GLG1: variants seen among roughly 807,000 people sequenced by gnomAD.
GLG1 encodes the protein golgi glycoprotein 1.
A neutral mutation model predicts 160.5 loss-of-function variants in GLG1; 38 were observed. That is an observed-to-expected ratio of 0.24 (90% CI 0.18 to 0.31). GLG1 has a LOEUF of 0.31. Ranked by LOEUF, GLG1 falls within the 10% of genes least tolerant of loss-of-function variation. The pLI is 1.00. For missense variants in GLG1, 1,373 were observed against 1,505.2 expected (o/e 0.91, Z 1.45); for synonymous variants, 644 against 543.4 (o/e 1.19, Z -2.57).
chr16:74,549,967 A>T (rs564945237), intron 1 of GLG1, among the ~76,000 whole-genome samples: 338 of 152,288 alleles, frequency 2.2e-3, no homozygotes, highest in African/African-American at 7.6e-3. Flanking sequence ...GAAAAAAAAA[A>T]GTTAGCCGGG....
intron 1 of GLG1, among the ~76,000 whole-genome samples, chr16:74,589,380 G>A (rs1013626779): frequency 6.6e-6 from 1 of 152,168 alleles, no homozygotes; most frequent in African/African-American, 2.4e-5. Context: ...AGAAAACAAT[G>A]CCTAAAGCAG....
intron 7 of GLG1, among the ~76,000 whole-genome samples, chr16:74,492,131 A>C (rs1213678361): frequency 2.0e-5 from 3 of 150,786 alleles, no homozygotes; most frequent in Non-Finnish European, 3.0e-5. Context: ...TCACGCCTGT[A>C]ATCCCAGCAC....
chr16:74,602,503 G>T (rs1024834061), intron 1 of GLG1, among the ~76,000 whole-genome samples: 3 of 152,226 alleles, frequency 2.0e-5, no homozygotes, highest in African/African-American at 7.2e-5. Context: ...AAAGGGCGGG[G>T]CTGGGCGCGG....
At chr16:74,472,609 T>C (rs1370577213) in intron 13 of GLG1, 198 bp from the exon 14 acceptor site, 7 of 1,463,744 alleles carry the variant, frequency 4.8e-6, no homozygotes, top group Non-Finnish European at 6.4e-6. Context: ...GAAAGGCAAA[T>C]TTTTAAAGAC....
chr16:74,571,300 G>A (rs562408088), intron 1 of GLG1, among the ~76,000 whole-genome samples: 1 of 152,276 alleles, frequency 6.6e-6, no homozygotes, highest in South Asian at 2.1e-4. Flanking sequence ...GTATACCAGA[G>A]AGATAAGGGA....
chr16:74,591,504 C>A (rs993773138), intron 1 of GLG1, among the ~76,000 whole-genome samples: 1 of 146,840 alleles, frequency 6.8e-6, no homozygotes, highest in African/African-American at 2.5e-5. Flanking sequence ...GGCGGGTGCC[C>A]GTAGTCCCAG....
At chr16:74,561,253 C>T (rs940619933) in intron 1 of GLG1, among the ~76,000 whole-genome samples, 5 of 152,176 alleles carry the variant, frequency 3.3e-5, no homozygotes, top group Admixed American at 6.5e-5. Context: ...AGGCCTGCAC[C>T]CTCACACCCT....
chr16:74,497,598 C>T lies in GLG1; in HGVS notation c.775-954G>A, dbSNP rs377127732. 6.6e-5 allele frequency among the ~76,000 whole-genome samples: 10 copies of T among 151,968 alleles called. No homozygotes were observed. The East Asian group carries it at 1.6e-3, about 24-fold the overall frequency. ...GACCACAGGCGCCCGCCACCACGCC[C>T]GGCTAATTTTTTGTGTTTTTAATAG... On this transcript the variant is annotated intron_variant, in intron 4 of 25. Coordinates refer to ENST00000422840, the MANE Select transcript of GLG1 (RefSeq NM_001145667.2).
chr16:74,476,036 G>C (rs2015380530), intron 12 of GLG1, among the ~76,000 whole-genome samples: 1 of 152,002 alleles, frequency 6.6e-6, no homozygotes, highest in Non-Finnish European at 1.5e-5. Context: ...CAAAAAATCA[G>C]GTGGGTGTGG....
chr16:74,593,072 G>C (rs997604219), intron 1 of GLG1, among the ~76,000 whole-genome samples: 1 of 152,066 alleles, frequency 6.6e-6, no homozygotes, highest in Non-Finnish European at 1.5e-5. Context: ...TTCTGCCATG[G>C]GATGATGCAG....
chr16:74,477,249 T>C (rs966070647), intron 12 of GLG1, 147 bp downstream of exon 12: 11 of 700,760 alleles, frequency 1.6e-5, no homozygotes, highest in Admixed American at 2.9e-5. Context: ...TTCCTGAGAA[T>C]TTCTTCCAGA....
chr16:74,515,987 T>C (rs2016965689), intron 2 of GLG1, among the ~76,000 whole-genome samples: 3 of 151,466 alleles, frequency 2.0e-5, no homozygotes, highest in Admixed American at 1.3e-4. Context: ...AAGGGATCAA[T>C]TCAACAAGAA....
rs536063773 is a variant in GLG1, at chr16:74,448,588, A to G, written c.*4579T>C. The G allele has an allele frequency of 6.6e-6, 1 of 152,292 alleles. No individual in the cohort carries two copies. The highest frequency in any genetic ancestry group is 6.5e-5 in the Admixed American group (1 of 15,300). 9.4% of individuals were successfully genotyped at this position (152,292 alleles called of 1,614,324 possible). On this transcript the variant is annotated 3_prime_UTR_variant, in exon 26 of 26. Transcript: ENST00000422840. ...AACATGATGAAATCCTGTCTCTACT[A>G]AAAATAAGAAAAAATTATCCAGGCA...
chr16:74,471,285 T>G lies in GLG1; in HGVS notation c.2117A>C (p.Asp706Ala). 6.5e-7 allele frequency: 1 copy of G among 1,526,908 alleles called. No homozygotes were observed. 94.6% of individuals were successfully genotyped at this position (1,526,908 alleles called of 1,614,324 possible). A position where few individuals can be genotyped will look rare whatever the true frequency, so the allele number is the denominator to read the frequency against. The part of the protein sequence containing the change: ...CEPIIQNFCH[D>A]VADNQIDSGD... ...AGAGTCTATCTGGTTATCTGCCACA[T>G]CCTGGGGAAGACAGCATGCATTTAC... is the stretch of plus-strand genomic sequence containing the variant. Residue 706 changes from aspartate to alanine, a missense_variant and splice_region_variant, in exon 15 of 26, where the codon GAT becomes GCT. By Grantham distance (126) the Asp-to-Ala change is moderately radical. This residue lies in a region of GLG1 where 491 missense variants were observed against 632.1 expected (regional missense o/e 0.78). Coordinates refer to ENST00000422840, the MANE Select transcript of GLG1 (RefSeq NM_001145667.2).
intron 2 of GLG1, among the ~76,000 whole-genome samples, chr16:74,522,097 T>TA (rs2017182568): frequency 6.6e-6 from 1 of 152,256 alleles, no homozygotes; most frequent in South Asian, 2.1e-4. Flanking sequence ...CAATGCTGCC[T>TA]AGGCATTTAG....
At chr16:74,563,284 T>C (rs2018557696) in intron 1 of GLG1, 1 of 152,064 alleles carries the variant, frequency 6.6e-6, no homozygotes, top group Non-Finnish European at 1.5e-5. Flanking sequence ...TTAATGGTTC[T>C]GTCAGAAAGA....
chr16:74,469,758 T>C (rs2015129925), intron 16 of GLG1: 1 of 539,096 alleles, frequency 1.9e-6, no homozygotes, highest in Non-Finnish European at 3.3e-6. Context: ...CCTGGAAAAA[T>C]TAAAAATGCT....
At chr16:74,560,169 C>T (rs1231141424) in intron 1 of GLG1, among the ~76,000 whole-genome samples, 1 of 152,088 alleles carries the variant, frequency 6.6e-6, no homozygotes, top group Non-Finnish European at 1.5e-5. Flanking sequence ...GACAGGCAGA[C>T]TAGCAAAGCA....
intron 4 of GLG1, among the ~76,000 whole-genome samples, chr16:74,498,468 T>TATATATATATATATATATATA (rs1491206560): frequency 0.037 from 1,087 of 29,476 alleles, 174 homozygotes; most frequent in Middle Eastern, 0.059. Context: ...ATATATATAT[T>TATATATATATATATATATATA]ATATTTTATA....
Sources: gnomAD v4.1 joint callset for allele counts (sites outside exome capture counted in the v4.1 genomes callset) on GRCh38, gnomAD v4.1.1 for gene constraint, gnomAD v4.1.1 regional missense constraint, MANE v1.5 for transcripts, NCBI Gene and HGNC (gene_info 2026-07-23, HGNC 2026-07-21) for gene names.